The following CSMD1 variants were observed in gnomAD, a reference collection of about 807,000 sequenced individuals.
The protein encoded by CSMD1 is CUB and Sushi multiple domains 1.
CSMD1 carries 213 observed loss-of-function variants against 417.5 expected under a neutral mutation model. The observed-to-expected ratio is 0.51, with a 90% CI of 0.46 to 0.57. The LOEUF (loss-of-function observed/expected upper bound fraction) is 0.57. Ranked by LOEUF, CSMD1 falls within the 20% of genes least tolerant of loss-of-function variation. CSMD1 has a pLI of 0.00. For synonymous variants in CSMD1, 2,862 were observed against 1,736.8 expected, an observed-to-expected ratio of 1.65 and a Z score of -16.11; for missense variants, 6,923 against 4,529.7, an observed-to-expected ratio of 1.53 and a Z score of -15.17.
At chr8:3,803,758 C>T (rs1202552976) in intron 5 of CSMD1, among the ~76,000 whole-genome samples, 1 of 152,090 alleles carries the variant, frequency 6.6e-6, no homozygotes, top group African/African-American at 2.4e-5. Context: ...GATTAGGGTC[C>T]TGAAGTAATT....
chr8:4,476,220 C>G (rs1178911341), intron 2 of CSMD1, among the ~76,000 whole-genome samples: 3 of 151,860 alleles, frequency 2.0e-5, no homozygotes, highest in Non-Finnish European at 2.9e-5. Context: ...GAAAATAAAA[C>G]TTTTTTAAAA....
intron 2 of CSMD1, among the ~76,000 whole-genome samples, chr8:4,563,413 A>C (rs1398780065): frequency 6.6e-6 from 1 of 152,086 alleles, no homozygotes; most frequent in Admixed American, 6.6e-5. Flanking sequence ...CAAAATAATA[A>C]TAACAATAAT....
chr8:3,645,723 G>A (rs1489652599), intron 7 of CSMD1, among the ~76,000 whole-genome samples: 1 of 152,194 alleles, frequency 6.6e-6, no homozygotes, highest in Non-Finnish European at 1.5e-5. Context: ...AAGGAACATG[G>A]AAGCTGCTGG....
chr8:3,282,924 G>T (rs1802847996), intron 26 of CSMD1, among the ~76,000 whole-genome samples: 1 of 152,112 alleles, frequency 6.6e-6, no homozygotes, highest in Admixed American at 6.6e-5. Flanking sequence ...CTTGTTTTAT[G>T]ATGATGGCTG....
chr8:3,028,830 TTTTA>T (rs1810131243), intron 51 of CSMD1, among the ~76,000 whole-genome samples: 1 of 152,228 alleles, frequency 6.6e-6, no homozygotes, highest in Non-Finnish European at 1.5e-5. Context: ...ACTAGCATTG[TTTTA>T]TTTTTCTATT....
intron 5 of CSMD1, among the ~76,000 whole-genome samples, chr8:3,828,433 T>C (rs1014866412): frequency 6.6e-6 from 1 of 152,152 alleles, no homozygotes; most frequent in Non-Finnish European, 1.5e-5. Flanking sequence ...TGACTTGGAA[T>C]ACAAAAAGAA....
At chr8:4,103,330 CCA>C (rs1198047390) in intron 3 of CSMD1, among the ~76,000 whole-genome samples, 5 of 151,170 alleles carry the variant, frequency 3.3e-5, no homozygotes, top group African/African-American at 1.2e-4. Flanking sequence ...TCAATATTCT[CCA>C]GAGTAGAAAA....
chr8:3,429,378 CAT>C (rs1814063287), intron 12 of CSMD1, among the ~76,000 whole-genome samples: 1 of 152,046 alleles, frequency 6.6e-6, no homozygotes, highest in Non-Finnish European at 1.5e-5. Flanking sequence ...AAAAGTTAAA[CAT>C]GTAGTTAATA....
intron 2 of CSMD1, among the ~76,000 whole-genome samples, chr8:4,461,801 T>C (rs1052242573): frequency 6.0e-5 from 9 of 149,408 alleles, no homozygotes; most frequent in Admixed American, 2.0e-4. Flanking sequence ...AGTGCAGTAG[T>C]ACGATCTCAG....
rs569162607 is a variant in CSMD1, at chr8:4,481,382, A to G, written c.303-61317T>C. ...GTTATTTCAATAAATATAAAATGAGACATCTCAATGCTAAGGAGACCTTGG... is the reference window on the plus strand; with the variant it reads ...GTTATTTCAATAAATATAAAATGAGGCATCTCAATGCTAAGGAGACCTTGG... On this transcript the variant is annotated intron_variant, in intron 2 of 69. Transcript: ENST00000635120. Among the ~76,000 whole-genome samples, 114 of 152,338 alleles carry G rather than the reference A, an allele frequency of 7.5e-4. No homozygotes were observed. The Middle Eastern group carries it at 0.02, about 27-fold the overall frequency.
At chr8:4,337,005 G>C (rs956916908) in intron 3 of CSMD1, among the ~76,000 whole-genome samples, 4 of 151,994 alleles carry the variant, frequency 2.6e-5, no homozygotes, top group African/African-American at 9.7e-5. Context: ...TGGCTGACTG[G>C]CCTGCTTACT....
intron 3 of CSMD1, among the ~76,000 whole-genome samples, chr8:4,415,688 G>A (rs768159988): frequency 5.9e-5 from 9 of 152,122 alleles, no homozygotes; most frequent in Non-Finnish European, 1.0e-4. Context: ...TAGAGGCCCC[G>A]TGAATGCTGA....
intron 26 of CSMD1, among the ~76,000 whole-genome samples, chr8:3,261,496 C>T (rs775635452): frequency 1.3e-5 from 2 of 152,010 alleles, no homozygotes; most frequent in African/African-American, 4.8e-5. Context: ...CCACCTGAAC[C>T]CCAAAAACTT....
At chr8:3,565,088 A>G (rs974102084) in intron 10 of CSMD1, among the ~76,000 whole-genome samples, 1 of 143,266 alleles carries the variant, frequency 7.0e-6, no homozygotes, top group Non-Finnish European at 1.5e-5. Context: ...TAAAATAAAT[A>G]TTGAAAAAAA....
intron 10 of CSMD1, among the ~76,000 whole-genome samples, chr8:3,528,923 AATAAT>A (rs1294102593): frequency 6.6e-6 from 1 of 151,590 alleles, no homozygotes; most frequent in Admixed American, 6.6e-5. Context: ...AAATATGATA[AATAAT>A]ATAATCCTTA....
Position 4,827,268 on chromosome 8 carries a change from A to T in CSMD1, c.85+167064T>A, listed in dbSNP as rs559141873. The stretch of plus-strand genomic sequence containing the variant: ...AATCCAAATGAATTTAAGGACTAAT[A>T]TTTACTTCATTACTCATGTTTCAAG... On this transcript the variant is annotated intron_variant, in intron 1 of 69. Transcript: ENST00000635120. Among the ~76,000 whole-genome samples the T allele has an allele frequency of 1.5e-3, 224 of 152,156 alleles. 1 individual carries two copies. Among genetic ancestry groups the T allele is most frequent in the Middle Eastern group, 0.01 (3 of 294 alleles).
intron 10 of CSMD1, among the ~76,000 whole-genome samples, chr8:3,547,375 T>G (rs536498147): frequency 6.6e-6 from 1 of 152,290 alleles, no homozygotes; most frequent in Non-Finnish European, 1.5e-5. Flanking sequence ...AACCATTTAG[T>G]TTCCACACTG....
intron 1 of CSMD1, among the ~76,000 whole-genome samples, chr8:4,964,756 C>A (rs1809743554): frequency 6.6e-6 from 1 of 152,090 alleles, no homozygotes; most frequent in Non-Finnish European, 1.5e-5. Context: ...TGTCATTGAA[C>A]CTGACAAAAA....
At chr8:3,841,939 A>G (rs113702901) in intron 5 of CSMD1, among the ~76,000 whole-genome samples, 7,579 of 152,148 alleles carry the variant, frequency 0.05, 262 homozygotes, top group South Asian at 0.068. Flanking sequence ...GATCCTCCAA[A>G]AAGAAAAGGA....
Sources: gnomAD v4.1 joint callset for allele counts (sites outside exome capture counted in the v4.1 genomes callset) on GRCh38, gnomAD v4.1.1 for gene constraint, MANE v1.5 for transcripts, NCBI Gene and HGNC (gene_info 2026-07-23, HGNC 2026-07-21) for gene names.